The following IFT56 variants were observed in gnomAD, a reference collection of about 807,000 sequenced individuals.
The protein encoded by IFT56 is intraflagellar transport protein 56.
chr7:139,149,381 G>A, the IFT56 span, among the ~76,000 whole-genome samples: 1 of 150,746 alleles, frequency 6.6e-6, no homozygotes, highest in Non-Finnish European at 1.5e-5. Flanking sequence ...GTTCCTATCA[G>A]CTATACATCC....
the IFT56 span, among the ~76,000 whole-genome samples, chr7:139,185,618 G>T: frequency 6.6e-6 from 1 of 151,982 alleles, no homozygotes; most frequent in Non-Finnish European, 1.5e-5. Context: ...ACTTAAGAGA[G>T]AACATAAAAG....
At chr7:139,165,996 C>T in the IFT56 span, among the ~76,000 whole-genome samples, 5 of 152,178 alleles carry the variant, frequency 3.3e-5, no homozygotes, top group Admixed American at 6.5e-5. Context: ...CTTACTCTGT[C>T]GCCCAGGCTG....
the IFT56 span, among the ~76,000 whole-genome samples, chr7:139,138,307 T>C: frequency 1.3e-5 from 2 of 152,154 alleles, no homozygotes; most frequent in Non-Finnish European, 2.9e-5. Context: ...CTCATAACTT[T>C]TATTACCATA....
the IFT56 span, chr7:139,179,533 AG>A: frequency 6.4e-7 from 1 of 1,566,996 alleles, no homozygotes; most frequent in Non-Finnish European, 8.8e-7. Context: ...TTATTGCAAA[AG>A]CATCCTCATG....
chr7:139,169,412 C>G, the IFT56 span: 1 of 1,483,410 alleles, frequency 6.7e-7, no homozygotes. Flanking sequence ...ATATATTGAC[C>G]GTGAAGTTTG....
chr7:139,161,022 G>A, the IFT56 span: 1 of 1,613,232 alleles, frequency 6.2e-7, no homozygotes, highest in Admixed American at 1.7e-5. Flanking sequence ...GGCACAATCT[G>A]GTGAATAACG....
the IFT56 span, chr7:139,189,259 A>G: frequency 1.6e-6 from 2 of 1,260,402 alleles, no homozygotes; most frequent in Middle Eastern, 2.0e-4. Context: ...TTCAGAGTTT[A>G]TTTTATTTTT....
At chr7:139,166,953 G>T in the IFT56 span, 1 of 1,174,996 alleles carries the variant, frequency 8.5e-7, no homozygotes, top group Non-Finnish European at 1.3e-6. Context: ...TGGAACTTCA[G>T]AAATTTAGTT....
At chr7:139,184,341 T>TG in the IFT56 span, among the ~76,000 whole-genome samples, 2 of 152,234 alleles carry the variant, frequency 1.3e-5, no homozygotes. Flanking sequence ...GAGTCCCTGT[T>TG]GCATTTGCAG....
At chr7:139,146,878 G>T in the IFT56 span, 5 of 704,716 alleles carry the variant, frequency 7.1e-6, no homozygotes, top group Admixed American at 9.8e-5. Flanking sequence ...TAAAGAAAAA[G>T]AAAAGATAAG....
the IFT56 span, chr7:139,148,102 C>T: frequency 6.1e-6 from 6 of 987,134 alleles, no homozygotes; most frequent in Non-Finnish European, 6.0e-6. Flanking sequence ...CTTCATAAGG[C>T]AGGTTCATGA....
the IFT56 span, chr7:139,187,295 A>G: frequency 3.9e-6 from 5 of 1,270,820 alleles, no homozygotes; most frequent in Non-Finnish European, 5.4e-6. Flanking sequence ...AAATGTTGTC[A>G]GCACCCATGC....
At chr7:139,142,440 CTG>C in the IFT56 span, 1 of 757,750 alleles carries the variant, frequency 1.3e-6, no homozygotes, top group Non-Finnish European at 2.1e-6. Flanking sequence ...TGGAATATAA[CTG>C]TTAATTGTAT....
chr7:139,178,111 T>C, the IFT56 span: 1 of 787,654 alleles, frequency 1.3e-6, no homozygotes, highest in Non-Finnish European at 2.1e-6. Flanking sequence ...AAAGATATTT[T>C]GGAATATTTT....
the IFT56 span, among the ~76,000 whole-genome samples, chr7:139,155,305 T>C: frequency 2.6e-5 from 4 of 152,174 alleles, no homozygotes; most frequent in African/African-American, 9.6e-5. Context: ...TTCTTCCTTT[T>C]TCTTGTCTAA....
At chr7:139,186,615 T>C in the IFT56 span, among the ~76,000 whole-genome samples, 1 of 152,126 alleles carries the variant, frequency 6.6e-6, no homozygotes, top group African/African-American at 2.4e-5. Context: ...CATCTAAGCA[T>C]TCTGAGAATT....
the IFT56 span, among the ~76,000 whole-genome samples, chr7:139,167,266 A>G: frequency 1.3e-5 from 2 of 152,088 alleles, no homozygotes; most frequent in African/African-American, 4.8e-5. Context: ...TGGATCGTTA[A>G]CTCCTTGTAG....
At chr7:139,181,204 T>C in the IFT56 span, 1 of 1,593,204 alleles carries the variant, frequency 6.3e-7, no homozygotes, top group Non-Finnish European at 8.6e-7. Flanking sequence ...ACAAGGTGAG[T>C]CTGACTGAGA....
chr7:139,136,910 A>G, the IFT56 span, among the ~76,000 whole-genome samples: 2 of 152,202 alleles, frequency 1.3e-5, no homozygotes, highest in Non-Finnish European at 2.9e-5. Context: ...GAGACCTCAC[A>G]TGAGAATTTC....
Sources: gnomAD v4.1 joint callset for allele counts (sites outside exome capture counted in the v4.1 genomes callset) on GRCh38, gnomAD v4.1.1 for gene constraint, MANE v1.5 for transcripts, NCBI Gene and HGNC (gene_info 2026-07-23, HGNC 2026-07-21) for gene names.